The following HTT variants were observed in gnomAD, a reference collection of about 807,000 sequenced individuals.
The protein encoded by HTT is huntingtin, also known as huntington disease protein.
Under a neutral mutation model 362.3 loss-of-function variants are expected in HTT, and 104 were observed. That is an observed-to-expected ratio of 0.29 (90% CI 0.24 to 0.34). The LOEUF (loss-of-function observed/expected upper bound fraction) is 0.34, where lower values mean the gene tolerates loss of function less well. HTT is among the 10% of genes least tolerant of loss of function. The pLI is 1.00. For synonymous variants in HTT, 1,577 were observed against 1,548.7 expected (o/e 1.02, Z -0.43); for missense variants, 3,301 against 3,928.6 (o/e 0.84, Z 4.27).
chr4:3,174,134 AAAACAC>A (rs58303740), intron 31 of HTT, among the ~76,000 whole-genome samples: 1,612 of 152,338 alleles, frequency 0.011, 33 homozygotes, highest in African/African-American at 0.037. Flanking sequence ...AGCTACAATT[AAAACAC>A]TAGAGTCAGG....
chr4:3,153,101 C>T (rs1018419936), intron 26 of HTT, among the ~76,000 whole-genome samples: 1 of 152,100 alleles, frequency 6.6e-6, no homozygotes, highest in African/African-American at 2.4e-5. Context: ...GCTTCAACAA[C>T]AGAATTTACT....
chr4:3,213,396 C>T (rs1389515781), intron 49 of HTT, among the ~76,000 whole-genome samples: 1 of 152,214 alleles, frequency 6.6e-6, no homozygotes, highest in Non-Finnish European at 1.5e-5. Flanking sequence ...ATATTATGTG[C>T]CTGCTGTATG....
At chr4:3,130,712 T>C (rs2110187912) in intron 14 of HTT, among the ~76,000 whole-genome samples, 1 of 152,362 alleles carries the variant, frequency 6.6e-6, no homozygotes, top group Middle Eastern at 3.4e-3. Flanking sequence ...TGGTTGCGTA[T>C]GGCCTGCAAC....
chr4:3,075,867 TA>T (rs58870770), intron 1 of HTT, among the ~76,000 whole-genome samples: 12,466 of 152,188 alleles, frequency 0.082, 1,044 homozygotes, highest in African/African-American at 0.21. Context: ...GGTTGCCAAG[TA>T]AAGTGGTGAA....
chr4:3,134,567 C>G, intron 19 of HTT, 27 bp downstream of exon 19: 1 of 1,600,142 alleles, frequency 6.2e-7, no homozygotes, highest in Non-Finnish European at 8.5e-7. Flanking sequence ...CATTAGATTT[C>G]ATGAACTAAG....
intron 33 of HTT, among the ~76,000 whole-genome samples, chr4:3,176,177 A>G (rs1463744897): frequency 6.6e-6 from 1 of 151,278 alleles, no homozygotes; most frequent in Non-Finnish European, 1.5e-5. Flanking sequence ...ACAGGCACCC[A>G]CCACTACGCC....
At chr4:3,230,138 C>A in intron 60 of HTT, 96 bp downstream of exon 60, 1 of 1,067,744 alleles carries the variant, frequency 9.4e-7, no homozygotes, top group Non-Finnish European at 1.4e-6. Flanking sequence ...GGTGCGGCTG[C>A]CTCCTTCCAA....
At position 3,173,056 on chromosome 4, in the gene HTT, C is replaced by T. The variant is rs753489268; in HGVS notation, c.4091C>T (p.Thr1364Ile). Residue 1364 changes from threonine (T) to isoleucine (I), a missense_variant, in exon 31 of 67, where the codon ACC (threonine) becomes ATC (isoleucine). Coordinates refer to ENST00000355072, the MANE Select transcript of HTT (RefSeq NM_001388492.1). ...LYHYCFMAPY[T>I]HFTQALADAS... ...CACTACTGCTTCATGGCCCCGTACA[C>T]CCACTTCACCCAGGCCCTCGCTGAC... is the stretch of plus-strand genomic sequence containing the variant. 6.2e-7 allele frequency: 1 copy of T among 1,614,158 alleles called. No homozygotes were observed. Among genetic ancestry groups the T allele is most frequent in the Non-Finnish European group, 8.5e-7 (1 of 1,180,036 alleles).
At chr4:3,102,682 G>A (rs185776413) in intron 3 of HTT, among the ~76,000 whole-genome samples, 3 of 152,164 alleles carry the variant, frequency 2.0e-5, no homozygotes, top group Non-Finnish European at 4.4e-5. Context: ...AGAGATCATC[G>A]ACTGATGTTT....
intron 2 of HTT, among the ~76,000 whole-genome samples, chr4:3,093,028 C>G (rs757514704): frequency 1.3e-5 from 2 of 152,100 alleles, no homozygotes; most frequent in Non-Finnish European, 2.9e-5. Flanking sequence ...TGCAGAGATG[C>G]AAGGTGGTGA....
At chr4:3,184,113 C>T (rs565568894) in intron 37 of HTT, among the ~76,000 whole-genome samples, 14 of 151,402 alleles carry the variant, frequency 9.2e-5, no homozygotes, top group African/African-American at 2.9e-4. Context: ...GTGGTGTCTG[C>T]GGTGGGAGTG....
chr4:3,215,683 T>C (rs763921457), intron 51 of HTT, among the ~76,000 whole-genome samples: 1 of 151,874 alleles, frequency 6.6e-6, no homozygotes, highest in Non-Finnish European at 1.5e-5. Context: ...TTTTGGTGGA[T>C]ATTTAAAAGA....
intron 2 of HTT, among the ~76,000 whole-genome samples, chr4:3,092,115 C>T (rs1407395119): frequency 2.6e-5 from 4 of 152,126 alleles, no homozygotes; most frequent in Admixed American, 6.5e-5. Context: ...CTCTGCTTCC[C>T]GGGTTCATGT....
intron 12 of HTT, chr4:3,128,907 C>T (rs1350728888): frequency 6.6e-6 from 1 of 152,212 alleles, no homozygotes; most frequent in Non-Finnish European, 1.5e-5. Context: ...AACACTGAAG[C>T]TCTGTTCCCA....
intron 2 of HTT, among the ~76,000 whole-genome samples, chr4:3,095,501 C>T (rs1713811144): frequency 6.6e-6 from 1 of 151,980 alleles, no homozygotes; most frequent in African/African-American, 2.4e-5. Flanking sequence ...GGCTCGGCAT[C>T]AGAGGGAGAC....
chr4:3,117,680 A>T (rs1413891046), intron 8 of HTT, among the ~76,000 whole-genome samples: 4 of 152,124 alleles, frequency 2.6e-5, no homozygotes, highest in Admixed American at 2.6e-4. Flanking sequence ...CTTAAAGAAA[A>T]AAATCAGCCA....
intron 21 of HTT, among the ~76,000 whole-genome samples, chr4:3,137,166 A>T (rs1716110451): frequency 6.6e-6 from 1 of 151,982 alleles, no homozygotes. Flanking sequence ...TTGGCCTCCC[A>T]AAGTGCTGGG....
At chr4:3,199,540 CAAA>C (rs35872985) in intron 40 of HTT, among the ~76,000 whole-genome samples, 189 bp from the exon 41 acceptor site, 4 of 111,342 alleles carry the variant, frequency 3.6e-5, no homozygotes, top group Middle Eastern at 5.2e-3. Context: ...AACTCTATCT[CAAA>C]AAAAAAAAAA....
chr4:3,123,493 A>G (rs1195049441), intron 10 of HTT: 2 of 152,208 alleles, frequency 1.3e-5, no homozygotes, highest in African/African-American at 2.4e-5. Context: ...CAGCCTGGTC[A>G]ACATAGTGAG....
Sources: allele counts gnomAD v4.1 joint callset (sites outside exome capture counted in the v4.1 genomes callset), GRCh38; gene constraint gnomAD v4.1.1; transcripts MANE v1.5; gene names NCBI Gene and HGNC (gene_info 2026-07-23, HGNC 2026-07-21).